The following THSD7B variants were observed in gnomAD, a reference collection of about 807,000 sequenced individuals.
The protein encoded by THSD7B is thrombospondin type-1 domain-containing protein 7B.
Under a neutral mutation model 213.6 loss-of-function variants are expected in THSD7B, and 138 were observed. The ratio of observed to expected loss-of-function variants is 0.65; its 90% CI spans 0.56 to 0.74. The LOEUF (loss-of-function observed/expected upper bound fraction) is 0.74, where lower values mean the gene tolerates loss of function less well. Ranked by LOEUF, THSD7B falls within the 30% of genes least tolerant of loss-of-function variation. The pLI, the probability that THSD7B is intolerant of heterozygous loss-of-function variation, is 0.00. For missense variants in THSD7B, 1,931 were observed against 1,991.5 expected (o/e 0.97, Z 0.58); for synonymous variants, 742 against 687.0 (o/e 1.08, Z -1.25).
chr2:136,795,935 A>G (rs1365909033), intron 1 of THSD7B, among the ~76,000 whole-genome samples: 1 of 151,920 alleles, frequency 6.6e-6, no homozygotes, highest in Non-Finnish European at 1.5e-5. Flanking sequence ...TAATACTTGG[A>G]TCATATGTGA....
At chr2:137,484,054 T>C (rs1401908682) in intron 15 of THSD7B, among the ~76,000 whole-genome samples, 1 of 151,870 alleles carries the variant, frequency 6.6e-6, no homozygotes, top group African/African-American at 2.4e-5. Flanking sequence ...AGTTTTAGGG[T>C]ACATGTGCAC....
At chr2:137,529,072 G>T (rs903455115) in intron 15 of THSD7B, among the ~76,000 whole-genome samples, 2 of 152,018 alleles carry the variant, frequency 1.3e-5, no homozygotes, top group African/African-American at 4.8e-5. Context: ...CTAGTGATAG[G>T]GAGATATTAA....
At chr2:137,673,427 T>C (rs902691753) in intron 27 of THSD7B, among the ~76,000 whole-genome samples, 2 of 152,172 alleles carry the variant, frequency 1.3e-5, no homozygotes, top group South Asian at 2.1e-4. Flanking sequence ...GGATTAGAGA[T>C]GTCCACCTGG....
rs942040135 is a variant in THSD7B at position 137,328,063 on chromosome 2, A to G, written c.2500+52037A>G. 4.1e-4 allele frequency among the ~76,000 whole-genome samples: 62 copies of G among 152,344 alleles called. 1 individual carries two copies. The highest frequency in any genetic ancestry group is 1.2e-3 in the African/African-American group (48 of 41,582). ...AGTTTCTTATCAGATTTTTACAAGT[A>G]ATTGGCATTTTTCACTGCTTCTCCT... On this transcript the variant is annotated intron_variant, in intron 12 of 27. Coordinates refer to ENST00000409968, the MANE Select transcript of THSD7B (RefSeq NM_001316349.2).
chr2:137,584,864 G>T (rs1480933428), intron 17 of THSD7B, among the ~76,000 whole-genome samples: 1 of 152,184 alleles, frequency 6.6e-6, no homozygotes, highest in South Asian at 2.1e-4. Context: ...ATGAGTTAGC[G>T]AGGATTCCCT....
At chr2:137,642,700 C>T in intron 21 of THSD7B, 67 bp downstream of exon 21, 2 of 1,543,296 alleles carry the variant, frequency 1.3e-6, no homozygotes, top group Non-Finnish European at 1.8e-6. Flanking sequence ...CTGGTCAAAC[C>T]TATGCGCTGA....
At chr2:137,402,138 T>C (rs1686380502) in intron 12 of THSD7B, among the ~76,000 whole-genome samples, 1 of 152,206 alleles carries the variant, frequency 6.6e-6, no homozygotes, top group Admixed American at 6.5e-5. Context: ...GACATTGTCT[T>C]AAGAATTCTC....
intron 1 of THSD7B, among the ~76,000 whole-genome samples, chr2:136,767,484 G>GTGTGT (rs1558798575): frequency 1.2e-4 from 15 of 129,448 alleles, no homozygotes; most frequent in African/African-American, 4.1e-4. Context: ...TGTGTGTTGT[G>GTGTGT]TGTATTTGTG....
intron 20 of THSD7B, among the ~76,000 whole-genome samples, chr2:137,640,031 G>A (rs1241656195): frequency 6.6e-6 from 1 of 152,162 alleles, no homozygotes; most frequent in Non-Finnish European, 1.5e-5. Flanking sequence ...TATTGGTTTT[G>A]AAATGTGAGG....
At chr2:136,979,761 A>G (rs1166126849) in intron 2 of THSD7B, among the ~76,000 whole-genome samples, 1 of 152,194 alleles carries the variant, frequency 6.6e-6, no homozygotes, top group Admixed American at 6.5e-5. Flanking sequence ...ATTATTACCT[A>G]TCTCTTTCAA....
At chr2:137,563,639 T>C (rs1416687868) in intron 16 of THSD7B, among the ~76,000 whole-genome samples, 5 of 152,196 alleles carry the variant, frequency 3.3e-5, no homozygotes, top group Non-Finnish European at 4.4e-5. Context: ...CACTGATTCA[T>C]GGCCGTTATT....
At chr2:137,598,646 C>T (rs1184041034) in intron 17 of THSD7B, among the ~76,000 whole-genome samples, 1 of 152,140 alleles carries the variant, frequency 6.6e-6, no homozygotes, top group East Asian at 1.9e-4. Context: ...AAATGTGCAT[C>T]CCTGAGAATA....
Position 137,092,683 on chromosome 2 carries a change from G to A in THSD7B, c.951-2190G>A, listed in dbSNP as rs910950652. ...TGAGACTTTGCCCGTCACCCAGGCT[G>A]GAGTGCGGTGGTGCAGTCTCGGCTC... On this transcript the variant is annotated intron_variant, in intron 3 of 27. Transcript: ENST00000409968. 4.6e-5 allele frequency among the ~76,000 whole-genome samples: 7 copies of A among 152,144 alleles called. 1 individual carries two copies. Among genetic ancestry groups the A allele is most frequent in the Admixed American group, 3.3e-4 (5 of 15,268 alleles).
chr2:137,342,563 C>CT (rs1274532174), intron 12 of THSD7B, among the ~76,000 whole-genome samples: 4 of 151,498 alleles, frequency 2.6e-5, no homozygotes, highest in African/African-American at 7.3e-5. Context: ...ATAGAAGTTG[C>CT]TAGTATGGGC....
chr2:136,789,481 G>A (rs763661443), intron 1 of THSD7B, among the ~76,000 whole-genome samples: 6 of 152,024 alleles, frequency 3.9e-5, no homozygotes, highest in Non-Finnish European at 7.4e-5. Context: ...TTTTGTGCAT[G>A]CTAGGAACAT....
rs1230456639 is a variant in THSD7B, at chr2:137,123,779, C to T, written c.1369+8486C>T. 3.3e-5 allele frequency among the ~76,000 whole-genome samples: 5 copies of T among 151,912 alleles called. No homozygotes were observed. The East Asian group carries it at 9.7e-4, about 29-fold the overall frequency. ...CTTCAATTTCTTTCTCTTTTTTCTC[C>T]CTCAGTCTCATTTCTCTTCCTCTTC... On this transcript the variant is annotated intron_variant, in intron 5 of 27. Transcript: ENST00000409968.
chr2:137,295,275 T>G (rs765098157), intron 12 of THSD7B, among the ~76,000 whole-genome samples: 2 of 152,154 alleles, frequency 1.3e-5, no homozygotes, highest in Non-Finnish European at 2.9e-5. Context: ...GTTTTCCACT[T>G]TACCTAGTAG....
chr2:137,145,821 G>A (rs1573851711), intron 5 of THSD7B, among the ~76,000 whole-genome samples: 1 of 152,014 alleles, frequency 6.6e-6, no homozygotes, highest in Non-Finnish European at 1.5e-5. Flanking sequence ...AACGCTTTCA[G>A]AATCAGTGTT....
In THSD7B at chr2:137,291,210, G is replaced by A. The variant is rs569118124; in HGVS notation, c.2500+15184G>A. Among the ~76,000 whole-genome samples, 3 of 152,160 alleles carry A rather than the reference G, an allele frequency of 2.0e-5. No homozygotes were observed. In the East Asian group the frequency reaches 5.8e-4, roughly 29 times the overall value. On this transcript the variant is annotated intron_variant, in intron 12 of 27. Coordinates refer to ENST00000409968, the MANE Select transcript of THSD7B (RefSeq NM_001316349.2). Reference sequence around the variant, plus strand: ...CTTTCTTAACTTGTTGGAATCCTATGTCCTGTCCTAGTCCCACCTCATGTA... The same window carrying A: ...CTTTCTTAACTTGTTGGAATCCTATATCCTGTCCTAGTCCCACCTCATGTA...
Sources: gnomAD v4.1 joint callset for allele counts (sites outside exome capture counted in the v4.1 genomes callset) on GRCh38, gnomAD v4.1.1 for gene constraint, MANE v1.5 for transcripts, NCBI Gene and HGNC (gene_info 2026-07-23, HGNC 2026-07-21) for gene names.